Variants in NEXMIF observed in about 807,000 individuals in gnomAD.
NEXMIF encodes the protein neurite extension and migration factor, also known as XLMR protein related to neurite extension.
A neutral mutation model predicts 62.1 loss-of-function variants in NEXMIF; 8 were observed. The ratio of observed to expected loss-of-function variants is 0.13; its 90% CI spans 0.08 to 0.23. NEXMIF has a LOEUF of 0.23. Among genes scored for constraint, NEXMIF ranks in the 10% least tolerant of loss-of-function variants. The pLI is 1.00. For synonymous variants in NEXMIF, 404 were observed against 416.6 expected, an observed-to-expected ratio of 0.97 and a Z score of 0.37; for missense variants, 976 against 1,113.3, an observed-to-expected ratio of 0.88 and a Z score of 1.75.
At chrX:74,800,967 A>G (rs1341147334) in intron 1 of NEXMIF, among the ~76,000 whole-genome samples, 2 of 110,672 alleles carry the variant, frequency 1.8e-5, no homozygotes, top group African/African-American at 6.6e-5. Context: ...TGCTCCACCT[A>G]CTCATCCCTC....
intron 1 of NEXMIF, among the ~76,000 whole-genome samples, chrX:74,881,392 GCACA>G (rs367805528): frequency 2.6e-4 from 23 of 88,566 alleles, no homozygotes; most frequent in South Asian, 6.8e-4. Flanking sequence ...ACATACACAT[GCACA>G]CACACACACA....
At chrX:74,852,733 A>G (rs1048708176) in intron 1 of NEXMIF, among the ~76,000 whole-genome samples, 1 of 112,121 alleles carries the variant, frequency 8.9e-6, no homozygotes, top group Non-Finnish European at 1.9e-5. Context: ...AAAATGTTTT[A>G]AAAATTTCCT....
At chrX:74,763,304 C>G (rs1270861188) in intron 1 of NEXMIF, among the ~76,000 whole-genome samples, 2 of 108,458 alleles carry the variant, frequency 1.8e-5, no homozygotes, top group Non-Finnish European at 3.9e-5. Flanking sequence ...TCTGAGGCCT[C>G]TGTTCTGTTC....
chrX:74,887,728 A>G (rs922187966), intron 1 of NEXMIF, among the ~76,000 whole-genome samples: 13 of 111,916 alleles, frequency 1.2e-4, no homozygotes, highest in Non-Finnish European at 1.9e-4. Flanking sequence ...CCATTGTGGA[A>G]GTCGGTGTGG....
chrX:74,752,184 A>G (rs920711048), intron 1 of NEXMIF, among the ~76,000 whole-genome samples: 1 of 111,901 alleles, frequency 8.9e-6, no homozygotes, highest in Non-Finnish European at 1.9e-5. Context: ...TTCTGATTTA[A>G]GTTTTGTGTG....
At chrX:74,868,952 G>A in intron 1 of NEXMIF, among the ~76,000 whole-genome samples, 1 of 110,654 alleles carries the variant, frequency 9.0e-6, no homozygotes, top group African/African-American at 3.3e-5. Context: ...ATAAATAGAG[G>A]AGAAGAAAAT....
chrX:74,790,803 T>C (rs2080279221), intron 1 of NEXMIF, among the ~76,000 whole-genome samples: 2 of 112,040 alleles, frequency 1.8e-5, no homozygotes, highest in Non-Finnish European at 3.8e-5. Flanking sequence ...ATAAGAATGC[T>C]TGTGATTTTT....
rs932300375 is a variant in NEXMIF, at chrX:74,820,330, T to C, written c.-47-74633A>G. ...TGCACATGTACCCTAGAACTTAAAGTATAATAATAATAATAATAATAATAA... is the reference window on the plus strand; with the variant it reads ...TGCACATGTACCCTAGAACTTAAAGCATAATAATAATAATAATAATAATAA... On this transcript the variant is annotated intron_variant, in intron 1 of 3. Transcript: ENST00000055682. Among the ~76,000 whole-genome samples, 24 of 108,303 alleles carry C rather than the reference T, an allele frequency of 2.2e-4. 1 individual carries two copies. The South Asian group carries it at 2.4e-3, about 11-fold the overall frequency. The allele number at this position is 108,303 out of a possible 115,157, so 94.0% of individuals were successfully genotyped here. A position where few individuals can be genotyped will look rare whatever the true frequency, so the allele number is the denominator to read the frequency against.
chrX:74,901,672 G>C (rs2080750022), intron 1 of NEXMIF, among the ~76,000 whole-genome samples: 1 of 111,393 alleles, frequency 9.0e-6, no homozygotes, highest in South Asian at 3.8e-4. Flanking sequence ...TCCTGAAATG[G>C]GGGCTGTTCT....
intron 1 of NEXMIF, among the ~76,000 whole-genome samples, chrX:74,871,228 G>T (rs948842374): frequency 9.0e-6 from 1 of 111,064 alleles, no homozygotes; most frequent in Admixed American, 9.6e-5. Context: ...GGCCTCCGGG[G>T]GTGTCATCAC....
chrX:74,868,946 A>G (rs906377050), intron 1 of NEXMIF, among the ~76,000 whole-genome samples: 2 of 111,276 alleles, frequency 1.8e-5, no homozygotes, highest in African/African-American at 3.3e-5. Context: ...ATTCCAATAA[A>G]TAGAGGAGAA....
At chrX:74,786,808 C>G (rs2080261405) in intron 1 of NEXMIF, among the ~76,000 whole-genome samples, 1 of 109,967 alleles carries the variant, frequency 9.1e-6, no homozygotes, top group Non-Finnish European at 1.9e-5. Context: ...TAACTGAAAA[C>G]AAGGTTGTAC....
intron 1 of NEXMIF, among the ~76,000 whole-genome samples, chrX:74,880,012 T>A (rs2080656368): frequency 8.9e-6 from 1 of 112,363 alleles, no homozygotes; most frequent in South Asian, 3.7e-4. Context: ...CAATATTATG[T>A]ATACATGTAT....
chrX:74,748,256 C>T (rs1036746788), intron 1 of NEXMIF, among the ~76,000 whole-genome samples: 1 of 111,886 alleles, frequency 8.9e-6, no homozygotes, highest in African/African-American at 3.2e-5. Flanking sequence ...TAGTGATTAT[C>T]AATAATTTGG....
intron 1 of NEXMIF, among the ~76,000 whole-genome samples, chrX:74,775,824 TC>T (rs2080227069): frequency 9.0e-6 from 1 of 111,090 alleles, no homozygotes; most frequent in Non-Finnish European, 1.9e-5. Flanking sequence ...GTGACTTGAT[TC>T]CATTTTGATG....
At chrX:74,748,660 A>G (rs2080133022) in intron 1 of NEXMIF, among the ~76,000 whole-genome samples, 1 of 112,146 alleles carries the variant, frequency 8.9e-6, no homozygotes, top group Admixed American at 9.5e-5. Context: ...TGGTATTTTG[A>G]AGCAAGGAAA....
At chrX:74,921,648 G>A (rs1372917041) in intron 1 of NEXMIF, among the ~76,000 whole-genome samples, 1 of 111,056 alleles carries the variant, frequency 9.0e-6, no homozygotes, top group Admixed American at 9.6e-5. Context: ...CTATGACCTT[G>A]GGTTTGAAAA....
intron 1 of NEXMIF, among the ~76,000 whole-genome samples, chrX:74,861,746 A>G (rs2080558431): frequency 8.9e-6 from 1 of 111,841 alleles, no homozygotes; most frequent in East Asian, 2.8e-4. Flanking sequence ...GATCAAACTA[A>G]GCTTCATAAG....
intron 1 of NEXMIF, among the ~76,000 whole-genome samples, chrX:74,850,288 C>A (rs917678294): frequency 4.5e-5 from 5 of 112,180 alleles, no homozygotes; most frequent in African/African-American, 1.6e-4. Context: ...CCAGCACAAA[C>A]CATTTTGGGG....
Sources: gnomAD v4.1 joint callset for allele counts (sites outside exome capture counted in the v4.1 genomes callset) on GRCh38, gnomAD v4.1.1 for gene constraint, MANE v1.5 for transcripts, NCBI Gene and HGNC (gene_info 2026-07-23, HGNC 2026-07-21) for gene names.